ENTHD1: variants seen among roughly 807,000 people sequenced by gnomAD.
ENTHD1 encodes the protein ENTH domain-containing protein 1.
ENTHD1 carries 23 observed loss-of-function variants against 39.1 expected under a neutral mutation model. The observed-to-expected ratio is 0.59, with a 90% confidence interval of 0.42 to 0.83. The LOEUF (loss-of-function observed/expected upper bound fraction) is 0.83. Ranked by LOEUF, ENTHD1 falls within the 40% of genes least tolerant of loss-of-function variation. The probability of loss-of-function intolerance (pLI) is 0.00; values close to 1 mark genes in which losing one functional copy is unlikely to be tolerated. For missense variants in ENTHD1, 624 were observed against 705.4 expected (o/e 0.88, Z 1.31); for synonymous variants, 230 against 258.2 (o/e 0.89, Z 1.05).
At chr22:39,805,305 G>C (rs1472708735) in intron 5 of ENTHD1, among the ~76,000 whole-genome samples, 1 of 152,214 alleles carries the variant, frequency 6.6e-6, no homozygotes, top group African/African-American at 2.4e-5. Context: ...GAAATAGAAC[G>C]GAAGTAGGAG....
chr22:39,766,962 C>T (rs2065282044), intron 5 of ENTHD1, among the ~76,000 whole-genome samples: 1 of 152,168 alleles, frequency 6.6e-6, no homozygotes, highest in African/African-American at 2.4e-5. Context: ...TCTTTCCTCA[C>T]CCTATCCTAT....
rs1473331965 is a variant in ENTHD1 at position 39,755,163 on chromosome 22, A to G, written c.1219+10060T>C. On this transcript the variant is annotated intron_variant, in intron 6 of 6. Coordinates refer to ENST00000325157, the MANE Select transcript of ENTHD1 (RefSeq NM_152512.4). ...TTGGGAAGAAATATTAATATATTAA[A>G]TAACTTAGCACATATGCAGTCAACT... 3.3e-5 allele frequency among the ~76,000 whole-genome samples: 5 copies of G among 152,246 alleles called. No homozygotes were observed. In the South Asian group the frequency reaches 8.3e-4, roughly 25 times the overall value.
In ENTHD1 at chr22:39,885,701, A is replaced by G. The variant is rs373949218; in HGVS notation, c.349+1699T>C. On this transcript the variant is annotated intron_variant, in intron 2 of 6. Transcript: ENST00000325157. The stretch of plus-strand genomic sequence containing the variant: ...CCTACAACATGACAACGCTGAGGAC[A>G]TTATGGTAAGTGAAATAAGCGACAC... Among the ~76,000 whole-genome samples the G allele has an allele frequency of 2.6e-4, 40 of 152,346 alleles. No individual in the cohort carries two copies. In the East Asian group the frequency reaches 4.0e-3, roughly 15 times the overall value.
At chr22:39,764,565 T>C (rs2065259949) in intron 6 of ENTHD1, among the ~76,000 whole-genome samples, 3 of 151,954 alleles carry the variant, frequency 2.0e-5, no homozygotes, top group African/African-American at 7.3e-5. Flanking sequence ...CTTTGAAAAA[T>C]TCATAAAAAT....
intron 2 of ENTHD1, among the ~76,000 whole-genome samples, chr22:39,877,698 A>T (rs559981002): frequency 2.6e-4 from 39 of 152,326 alleles, no homozygotes; most frequent in Middle Eastern, 3.4e-3. Context: ...GGGGAAGGAA[A>T]AAAAGGAACC....
chr22:39,746,129 A>G (rs1040955149), intron 6 of ENTHD1, among the ~76,000 whole-genome samples: 12 of 152,138 alleles, frequency 7.9e-5, no homozygotes, highest in African/African-American at 2.4e-4. Flanking sequence ...GTCTCTTTCA[A>G]AACCTCCTCT....
At chr22:39,751,896 TTAC>T (rs1161811379) in intron 6 of ENTHD1, among the ~76,000 whole-genome samples, 1 of 152,194 alleles carries the variant, frequency 6.6e-6, no homozygotes, top group Non-Finnish European at 1.5e-5. Context: ...CCTTTGTCCT[TTAC>T]TACATTTATA....
Position 39,822,357 on chromosome 22 carries a change from C to G in ENTHD1, c.712-1244G>C, listed in dbSNP as rs548328509. Among the ~76,000 whole-genome samples, 7 of 152,304 alleles carry G rather than the reference C, an allele frequency of 4.6e-5. No individual in the cohort carries two copies. In the South Asian group the frequency reaches 1.5e-3, roughly 32 times the overall value. ...CCAGAAAGTTTCCTCAAGCTCCTTTCCAGCTGATACCATCCCACCAGCCTG... is the reference window on the plus strand; with the variant it reads ...CCAGAAAGTTTCCTCAAGCTCCTTTGCAGCTGATACCATCCCACCAGCCTG... On this transcript the variant is annotated intron_variant, in intron 4 of 6. Transcript: ENST00000325157.
At chr22:39,873,765 TAC>T (rs1477940516) in intron 2 of ENTHD1, among the ~76,000 whole-genome samples, 2 of 152,226 alleles carry the variant, frequency 1.3e-5, no homozygotes, top group Non-Finnish European at 2.9e-5. Context: ...TCTCACAATA[TAC>T]ACAAAAGCTA....
At chr22:39,761,686 CTCTT>C (rs942427699) in intron 6 of ENTHD1, among the ~76,000 whole-genome samples, 28 of 151,948 alleles carry the variant, frequency 1.8e-4, no homozygotes, top group African/African-American at 2.9e-4. Flanking sequence ...AATTCACTTG[CTCTT>C]TCTTTCATTT....
At chr22:39,869,797 G>A (rs1365769525) in intron 2 of ENTHD1, among the ~76,000 whole-genome samples, 1 of 151,452 alleles carries the variant, frequency 6.6e-6, no homozygotes, top group Non-Finnish European at 1.5e-5. Flanking sequence ...TTGACAACAA[G>A]GAATATAAAA....
intron 5 of ENTHD1, among the ~76,000 whole-genome samples, chr22:39,796,003 C>G (rs1019718365): frequency 4.6e-5 from 7 of 151,696 alleles, no homozygotes; most frequent in Non-Finnish European, 7.4e-5. Flanking sequence ...TTTTGTTTAT[C>G]TTTTCAAACA....
intron 4 of ENTHD1, among the ~76,000 whole-genome samples, chr22:39,828,479 C>T (rs1047310114): frequency 1.2e-4 from 19 of 152,260 alleles, no homozygotes; most frequent in South Asian, 1.0e-3. Context: ...TAATAAATGG[C>T]ATCCCAATAA....
intron 5 of ENTHD1, among the ~76,000 whole-genome samples, chr22:39,806,804 G>A (rs1418199946): frequency 1.3e-5 from 2 of 152,142 alleles, no homozygotes; most frequent in African/African-American, 2.4e-5. Flanking sequence ...AAGGCTTTCT[G>A]GGAAAAGTGA....
chr22:39,746,174 ATTTTCTTAC>A (rs1356201957), intron 6 of ENTHD1, among the ~76,000 whole-genome samples: 1 of 151,856 alleles, frequency 6.6e-6, no homozygotes, highest in African/African-American at 2.4e-5. Context: ...TAGTCTTCTA[ATTTTCTTAC>A]TTTTCTTTCC....
At chr22:39,879,849 C>G (rs947625714) in intron 2 of ENTHD1, among the ~76,000 whole-genome samples, 6 of 152,166 alleles carry the variant, frequency 3.9e-5, no homozygotes, top group African/African-American at 1.4e-4. Flanking sequence ...ATTGTCAAAA[C>G]TTGGAAGCAA....
chr22:39,805,965 C>A (rs2065637188), intron 5 of ENTHD1, among the ~76,000 whole-genome samples: 1 of 152,160 alleles, frequency 6.6e-6, no homozygotes. Context: ...TTTCTCCAAC[C>A]ACCTCTTCTA....
At chr22:39,751,964 C>T (rs959048562) in intron 6 of ENTHD1, among the ~76,000 whole-genome samples, 21 of 152,134 alleles carry the variant, frequency 1.4e-4, no homozygotes, top group African/African-American at 5.1e-4. Flanking sequence ...AAAAATTTAA[C>T]ATTTTACACA....
In ENTHD1 at chr22:39,887,856, C is replaced by A. The variant is rs188601910; in HGVS notation, c.-108G>T. 5,825 of 696,576 alleles carry A rather than the reference C, an allele frequency of 8.4e-3. 46 individuals carry two copies. Among genetic ancestry groups the A allele is most frequent in the Non-Finnish European group, 0.012 (5,148 of 435,016 alleles). 43.1% of individuals were successfully genotyped at this position (696,576 alleles called of 1,614,324 possible). A position where few individuals can be genotyped will look rare whatever the true frequency, so the allele number is the denominator to read the frequency against. On this transcript the variant is annotated 5_prime_UTR_variant, in exon 2 of 7. Transcript: ENST00000325157. ...AGGTAATTGGTCCCCAGTTCTGCTG[C>A]TCCCAAATACAAATAATTAATCTCT...
Sources: allele counts gnomAD v4.1 joint callset (sites outside exome capture counted in the v4.1 genomes callset), GRCh38; gene constraint gnomAD v4.1.1; transcripts MANE v1.5; gene names NCBI Gene and HGNC (gene_info 2026-07-23, HGNC 2026-07-21).